PRKG1: variants seen among roughly 807,000 people sequenced by gnomAD.
PRKG1 encodes the protein cGMP-dependent protein kinase 1.
Under a neutral mutation model 88.1 loss-of-function variants are expected in PRKG1, and 35 were observed. That is an observed-to-expected ratio of 0.40 (90% CI 0.30 to 0.53). The LOEUF (loss-of-function observed/expected upper bound fraction) is 0.53, where lower values mean the gene tolerates loss of function less well. Ranked by LOEUF, PRKG1 falls within the 20% of genes least tolerant of loss-of-function variation. PRKG1 has a pLI of 0.59. For missense variants in PRKG1, 540 were observed against 839.8 expected (o/e 0.64, Z 4.41); for synonymous variants, 303 against 292.5 (o/e 1.04, Z -0.37).
chr10:51,370,837 A>G (rs1405739030), intron 2 of PRKG1, among the ~76,000 whole-genome samples: 1 of 152,216 alleles, frequency 6.6e-6, no homozygotes, highest in East Asian at 1.9e-4. Context: ...ATTTATGCCC[A>G]AAGCCCATGC....
chr10:51,125,179 C>A (rs1845365379), intron 1 of PRKG1, among the ~76,000 whole-genome samples: 1 of 151,776 alleles, frequency 6.6e-6, no homozygotes, highest in Admixed American at 6.6e-5. Context: ...ACCAAATTGG[C>A]TGGGCATTTT....
At chr10:51,377,709 C>T (rs1842844625) in intron 2 of PRKG1, among the ~76,000 whole-genome samples, 1 of 152,054 alleles carries the variant, frequency 6.6e-6, no homozygotes, top group South Asian at 2.1e-4. Flanking sequence ...AAAACAAAAC[C>T]TGGCTATTTT....
intron 2 of PRKG1, among the ~76,000 whole-genome samples, chr10:51,431,637 G>A (rs1047527711): frequency 6.6e-6 from 1 of 152,096 alleles, no homozygotes; most frequent in Non-Finnish European, 1.5e-5. Flanking sequence ...TCTGAGAGGG[G>A]CAGTCTATCC....
chr10:51,962,640 C>G (rs1049599533), intron 5 of PRKG1, among the ~76,000 whole-genome samples: 2 of 152,030 alleles, frequency 1.3e-5, no homozygotes, highest in Non-Finnish European at 2.9e-5. Context: ...TTTCCTGACT[C>G]TTTCCAGATA....
At chr10:51,891,241 G>T (rs561255278) in intron 4 of PRKG1, among the ~76,000 whole-genome samples, 7 of 152,138 alleles carry the variant, frequency 4.6e-5, no homozygotes, top group Non-Finnish European at 7.4e-5. Context: ...CCAAGCCAGG[G>T]TGACAGGGTG....
chr10:51,535,006 T>G (rs1296680390), intron 3 of PRKG1, among the ~76,000 whole-genome samples: 1 of 152,216 alleles, frequency 6.6e-6, no homozygotes, highest in Non-Finnish European at 1.5e-5. Context: ...AAATAATTGA[T>G]GTACCCTTTA....
chr10:52,012,204 G>C (rs923848511), intron 5 of PRKG1, among the ~76,000 whole-genome samples: 2 of 145,488 alleles, frequency 1.4e-5, no homozygotes, highest in African/African-American at 5.3e-5. Context: ...CTATTGCACA[G>C]TTTTGTTTTT....
chr10:51,970,765 TATATATATATATCAGATATATCAGA>T (rs1564733913), intron 5 of PRKG1, among the ~76,000 whole-genome samples: 2 of 138,338 alleles, frequency 1.4e-5, no homozygotes, highest in African/African-American at 5.8e-5. Context: ...TATATCAGAT[TATATATATATATCAGATATATCAGA>T]TTATATATAT....
At chr10:51,532,982 G>A (rs955413700) in intron 3 of PRKG1, among the ~76,000 whole-genome samples, 6 of 152,024 alleles carry the variant, frequency 3.9e-5, no homozygotes, top group Admixed American at 2.0e-4. Flanking sequence ...CCTAATGTAT[G>A]AGCATAGAAA....
intron 3 of PRKG1, among the ~76,000 whole-genome samples, chr10:51,691,912 AT>A (rs1453226206): frequency 6.6e-6 from 1 of 152,230 alleles, no homozygotes; most frequent in African/African-American, 2.4e-5. Flanking sequence ...CAAAACTTGA[AT>A]AACATTGACA....
At chr10:52,068,032 G>A (rs1237818982) in intron 7 of PRKG1, among the ~76,000 whole-genome samples, 1 of 130,118 alleles carries the variant, frequency 7.7e-6, no homozygotes, top group African/African-American at 2.6e-5. Flanking sequence ...GTGAAACCCC[G>A]TCTCTACTAA....
intron 7 of PRKG1, among the ~76,000 whole-genome samples, chr10:52,119,695 C>G (rs1035325976): frequency 6.6e-6 from 1 of 152,200 alleles, no homozygotes; most frequent in African/African-American, 2.4e-5. Context: ...ACCCATGACA[C>G]AACCTGTCTT....
intron 5 of PRKG1, among the ~76,000 whole-genome samples, chr10:52,046,483 TAATC>T (rs1845866463): frequency 6.6e-6 from 1 of 152,152 alleles, no homozygotes; most frequent in Non-Finnish European, 1.5e-5. Flanking sequence ...TCCCTAAAAA[TAATC>T]AAACTAACAA....
chr10:51,393,415 G>A (rs1480867971), intron 2 of PRKG1, among the ~76,000 whole-genome samples: 1 of 149,476 alleles, frequency 6.7e-6, no homozygotes, highest in South Asian at 2.1e-4. Context: ...ACTCCCAGAC[G>A]ATGGGCGGCC....
At chr10:51,039,500 A>T (rs912554648) in intron 1 of PRKG1, among the ~76,000 whole-genome samples, 2 of 152,034 alleles carry the variant, frequency 1.3e-5, no homozygotes, top group Admixed American at 6.6e-5. Flanking sequence ...TGTCAGATGG[A>T]TAGTTTAAAA....
chr10:52,251,631 A>G lies in PRKG1; in HGVS notation c.1138A>G (p.Thr380Ala). The G allele has an allele frequency of 4.3e-6, 7 of 1,613,584 alleles. No homozygotes were observed. Among genetic ancestry groups the G allele is most frequent in the Non-Finnish European group, 5.9e-6 (7 of 1,179,634 alleles). The change falls in exon 10 of 18, where the codon ACC becomes GCC. Residue 380 changes from threonine to alanine, a missense_variant. Physicochemically the swap from Thr to Ala is moderately conservative, Grantham distance 58 (BLOSUM62 0). Coordinates refer to ENST00000373980, the MANE Select transcript of PRKG1 (RefSeq NM_006258.4). Reference protein sequence around the residue: ...LKLSDFNIIDTLGVGGFGRVE... With the variant: ...LKLSDFNIIDALGVGGFGRVE... ...GCTGTCTGATTTCAACATCATTGAT[A>G]CCCTTGGAGTTGGAGGTTTCGGACG...
chr10:51,600,944 A>G (rs1838580373), intron 3 of PRKG1, among the ~76,000 whole-genome samples: 1 of 149,618 alleles, frequency 6.7e-6, no homozygotes, highest in Non-Finnish European at 1.5e-5. Flanking sequence ...GAGGAAGAGA[A>G]GATGAAGATG....
intron 2 of PRKG1, among the ~76,000 whole-genome samples, chr10:51,362,986 C>A (rs1172239509): frequency 6.6e-6 from 1 of 151,874 alleles, no homozygotes; most frequent in Non-Finnish European, 1.5e-5. Context: ...AACAGCAAAT[C>A]ATTCTCTGTC....
At chr10:52,180,696 G>A (rs2134771) in intron 9 of PRKG1, among the ~76,000 whole-genome samples, 5,211 of 152,258 alleles carry the variant, frequency 0.034, 314 homozygotes, top group African/African-American at 0.12. Context: ...GAGGATTTGT[G>A]TTGTTGGTGG....
Sources: gnomAD v4.1 joint callset for allele counts (sites outside exome capture counted in the v4.1 genomes callset) on GRCh38, gnomAD v4.1.1 for gene constraint, MANE v1.5 for transcripts, NCBI Gene and HGNC (gene_info 2026-07-23, HGNC 2026-07-21) for gene names.